GP1BB: variants seen among roughly 807,000 people sequenced by gnomAD.
The protein encoded by GP1BB is glycoprotein Ib platelet subunit beta.
GP1BB carries 3 observed loss-of-function variants against 2.5 expected under a neutral mutation model. The observed-to-expected ratio is 1.22, with a 90% CI of 0.56 to 3.15. The LOEUF is 3.15. GP1BB is among the 30% of genes most tolerant of loss of function. The pLI is 0.03. For missense variants in GP1BB, 316 were observed against 307.0 expected, an observed-to-expected ratio of 1.03 and a Z score of -0.22; for synonymous variants, 191 against 167.5, an observed-to-expected ratio of 1.14 and a Z score of -1.08.
chr22:19,724,115 G>A lies in GP1BB; in HGVS notation c.272G>A (p.Trp91Ter). Reference protein sequence around the residue: ...LRTAHLGANPWRCDCRLVPLR... With the variant: ...LRTAHLGANP ...ACCGCACACCTGGGCGCCAACCCCT[G>A]GCGCTGCGACTGCCGCCTTGTGCCG... is the stretch of plus-strand genomic sequence containing the variant. The change falls in exon 2 of 2, where the codon TGG becomes TAG. Residue 91 changes from tryptophan (W) to a stop codon, truncating the protein, a stop_gained. Coordinates refer to ENST00000366425, the MANE Select transcript of GP1BB (RefSeq NM_000407.5). LOFTEE classifies it low-confidence loss of function (END_TRUNC). 6.9e-7 allele frequency: 1 copy of A among 1,440,160 alleles called. No individual in the cohort carries two copies. The highest frequency in any genetic ancestry group is 9.1e-7 in the Non-Finnish European group (1 of 1,098,666). 89.2% of individuals were successfully genotyped at this position (1,440,160 alleles called of 1,614,324 possible). A position where few individuals can be genotyped will look rare whatever the true frequency, so the allele number is the denominator to read the frequency against.
chr22:19,724,569 T>C lies in GP1BB; in HGVS notation c.*105T>C, dbSNP rs1339113231. 1.2e-6 allele frequency: 1 copy of C among 816,230 alleles called. No individual in the cohort carries two copies. Among genetic ancestry groups the C allele is most frequent in the Non-Finnish European group, 2.1e-6 (1 of 485,216 alleles). The allele number at this position is 816,230 out of a possible 1,614,324, so 50.6% of individuals were successfully genotyped here. On this transcript the variant is annotated 3_prime_UTR_variant, in exon 2 of 2. Transcript: ENST00000366425. The stretch of plus-strand genomic sequence containing the variant: ...GGGCCCTCGCGCCAACCTGGACCGG[T>C]CCCCGCCTCCTCCGCTGCCCAATCT...
At position 19,724,517 on chromosome 22, in the gene GP1BB, T is replaced by C; in HGVS notation, c.*53T>C. 1 of 1,245,602 alleles carries C rather than the reference T, an allele frequency of 8.0e-7. No homozygotes were observed. Among genetic ancestry groups the C allele is most frequent in the Middle Eastern group, 2.7e-4 (1 of 3,766 alleles). 77.2% of individuals were successfully genotyped at this position (1,245,602 alleles called of 1,614,324 possible). On this transcript the variant is annotated 3_prime_UTR_variant, in exon 2 of 2. Transcript: ENST00000366425. ...GAACCGGCGCTGGGCAACACGGGCC[T>C]GCAAACTCGACAGGACCCTGCCCGA... is the stretch of plus-strand genomic sequence containing the variant.
rs1457232053 is a variant in GP1BB at position 19,723,834 on chromosome 22, C to G, written c.11-20C>G. ...AGGTGCCCGCCGACCGCTCGGCTTA[C>G]TGCGGCGCTTCCCTTGCAGGGCCGC... On this transcript the variant is annotated intron_variant, in intron 1 of 1. Coordinates refer to ENST00000366425, the MANE Select transcript of GP1BB (RefSeq NM_000407.5). The G allele has an allele frequency of 3.3e-6, 5 of 1,520,586 alleles. No homozygotes were observed. The South Asian group carries it at 6.1e-5, about 19-fold the overall frequency. The allele number at this position is 1,520,586 out of a possible 1,614,324, so 94.2% of individuals were successfully genotyped here.
At chr22:19,723,750 C>T (rs1372856272) in intron 1 of GP1BB, 104 bp from the exon 2 acceptor site, 12 of 1,332,804 alleles carry the variant, frequency 9.0e-6, no homozygotes, top group East Asian at 2.5e-5. Flanking sequence ...ACCGGGACGC[C>T]GGGCATCAGG....
At chr22:19,723,618 A>C (rs961321543) in intron 1 of GP1BB, 39 bp downstream of exon 1, 3 of 1,588,622 alleles carry the variant, frequency 1.9e-6, no homozygotes, top group Non-Finnish European at 8.5e-7. Flanking sequence ...GCTGCTCCCT[A>C]GGCCGACCCG....
rs1237337373 is a variant in GP1BB at position 19,723,559 on chromosome 22, G to A, written c.-11G>A. The stretch of plus-strand genomic sequence containing the variant: ...CCGCTGCAGAGTAAGCCGGGCTGCC[G>A]TCTTCTCGCCATGGGCTCCGGTGAG... On this transcript the variant is annotated 5_prime_UTR_variant, in exon 1 of 2. Coordinates refer to ENST00000366425, the MANE Select transcript of GP1BB (RefSeq NM_000407.5). 1 of 1,594,184 alleles carries A rather than the reference G, an allele frequency of 6.3e-7. No individual in the cohort carries two copies. The highest frequency in any genetic ancestry group is 8.5e-7 in the Non-Finnish European group (1 of 1,175,294).
In GP1BB at chr22:19,724,474, C is replaced by G; in HGVS notation, c.*10C>G. ...AACCGACGAGTCCTGAGGAGAGAAC[C>G]GGTGCGTCCTGAGGAGAGAACCGGC... On this transcript the variant is annotated 3_prime_UTR_variant, in exon 2 of 2. Coordinates refer to ENST00000366425, the MANE Select transcript of GP1BB (RefSeq NM_000407.5). 2.0e-6 allele frequency: 3 copies of G among 1,519,714 alleles called. No homozygotes were observed. The highest frequency in any genetic ancestry group is 2.7e-6 in the Non-Finnish European group (3 of 1,121,516). The allele number at this position is 1,519,714 out of a possible 1,614,324, so 94.1% of individuals were successfully genotyped here.
chr22:19,724,764 T>C lies in GP1BB; in HGVS notation c.*300T>C. Reference sequence around the variant, plus strand: ...AACTCTGGTGCTGAATAAACCCTTCTGATCTGGTCTTCTCTGCACGACTGA... The same window carrying C: ...AACTCTGGTGCTGAATAAACCCTTCCGATCTGGTCTTCTCTGCACGACTGA... On this transcript the variant is annotated 3_prime_UTR_variant, in exon 2 of 2. Transcript: ENST00000366425. 2.4e-6 allele frequency: 1 copy of C among 420,930 alleles called. No individual in the cohort carries two copies. Among genetic ancestry groups the C allele is most frequent in the Non-Finnish European group, 4.4e-6 (1 of 228,892 alleles). The allele number at this position is 420,930 out of a possible 1,614,324, so 26.1% of individuals were successfully genotyped here.
intron 1 of GP1BB, 41 bp from the exon 2 acceptor site, chr22:19,723,813 G>A: frequency 6.7e-7 from 1 of 1,500,432 alleles, no homozygotes; most frequent in Non-Finnish European, 8.9e-7. Context: ...TCGCCCAGGT[G>A]CCCGCCGACC....
intron 1 of GP1BB, 58 bp from the exon 2 acceptor site, chr22:19,723,796 A>C (rs1216135403): frequency 3.4e-6 from 5 of 1,457,764 alleles, no homozygotes; most frequent in Admixed American, 4.3e-5. Context: ...CTGGGTACTC[A>C]GAGATGTCGC....
rs750315624 is a variant in GP1BB at position 19,724,358 on chromosome 22, T to C, written c.515T>C (p.Leu172Pro). The stretch of plus-strand genomic sequence containing the variant: ...CACGCGTTGCTGCTGGTGCTGCTGC[T>C]GTGCCGCCTGCGGAGGCTGCGGGCC... ...LLHALLLVLL[L>P]CRLRRLRARA... Residue 172 changes from leucine (L) to proline (P), a missense_variant, in exon 2 of 2, where the codon CTG becomes CCG. Coordinates refer to ENST00000366425, the MANE Select transcript of GP1BB (RefSeq NM_000407.5). 16 of 1,488,780 alleles carry C rather than the reference T, an allele frequency of 1.1e-5. No individual in the cohort carries two copies. Among genetic ancestry groups the C allele is most frequent in the Admixed American group, 2.4e-5 (1 of 41,696 alleles). 92.2% of individuals were successfully genotyped at this position (1,488,780 alleles called of 1,614,324 possible).
chr22:19,723,544 G>A lies in GP1BB; in HGVS notation c.-26G>A. ...TCCCGCCTACGCCTCCCGCTGCAGAGTAAGCCGGGCTGCCGTCTTCTCGCC... is the reference window on the plus strand; with the variant it reads ...TCCCGCCTACGCCTCCCGCTGCAGAATAAGCCGGGCTGCCGTCTTCTCGCC... On this transcript the variant is annotated 5_prime_UTR_variant, in exon 1 of 2. Coordinates refer to ENST00000366425, the MANE Select transcript of GP1BB (RefSeq NM_000407.5). 6.3e-7 allele frequency: 1 copy of A among 1,588,114 alleles called. No individual in the cohort carries two copies. The highest frequency in any genetic ancestry group is 1.1e-5 in the South Asian group (1 of 88,476).
intron 1 of GP1BB, 122 bp downstream of exon 1, chr22:19,723,701 C>A: frequency 1.5e-6 from 2 of 1,353,306 alleles, no homozygotes; most frequent in Non-Finnish European, 2.0e-6. Context: ...GACTTCCAGC[C>A]GGCGTGCGGG....
Position 19,724,057 on chromosome 22 carries a change from C to T in GP1BB, c.214C>T (p.Pro72Ser). 6.6e-7 allele frequency: 1 copy of T among 1,509,646 alleles called. No individual in the cohort carries two copies. Among genetic ancestry groups the T allele is most frequent in the Non-Finnish European group, 8.8e-7 (1 of 1,134,980 alleles). 93.5% of individuals were successfully genotyped at this position (1,509,646 alleles called of 1,614,324 possible). Residue 72 changes from proline (P) to serine (S), a missense_variant, in exon 2 of 2, where the codon CCG becomes TCG. By Grantham distance (74) the Pro-to-Ser change is moderately conservative. Transcript: ENST00000366425. The stretch of plus-strand genomic sequence containing the variant: ...CGGCAACAACCTGACGGCGCTGCCG[C>T]CGGGGCTGCTGGACGCGCTGCCCGC... ...LTGNNLTALP[P>S]GLLDALPALR...
Position 19,723,866 on chromosome 22 carries a change from C to A in GP1BB, c.23C>A (p.Ala8Glu). The change falls in exon 2 of 2, where the codon GCG (alanine) becomes GAG (glutamate). Residue 8 changes from alanine (A) to glutamate (E), a missense_variant. Ala to Glu is a moderately radical substitution (Grantham distance 107). Transcript: ENST00000366425. ...GCTTCCCTTGCAGGGCCGCGCGGGGCGCTGAGCTTACTGCTCCTGCTGCTG... is the reference window on the plus strand; with the variant it reads ...GCTTCCCTTGCAGGGCCGCGCGGGGAGCTGAGCTTACTGCTCCTGCTGCTG... MGSGPRG[A>E]LSLLLLLLAP... The A allele has an allele frequency of 6.6e-7, 1 of 1,524,194 alleles. No homozygotes were observed. The highest frequency in any genetic ancestry group is 8.8e-7 in the Non-Finnish European group (1 of 1,142,466). The allele number at this position is 1,524,194 out of a possible 1,614,324, so 94.4% of individuals were successfully genotyped here.
chr22:19,724,684 C>T lies in GP1BB; in HGVS notation c.*220C>T. On this transcript the variant is annotated 3_prime_UTR_variant, in exon 2 of 2. Coordinates refer to ENST00000366425, the MANE Select transcript of GP1BB (RefSeq NM_000407.5). ...AGGGAGGCGAACCCGCACTTCCAGGCTTGGGAGGACCATGGGGCACAATGC... is the reference window on the plus strand; with the variant it reads ...AGGGAGGCGAACCCGCACTTCCAGGTTTGGGAGGACCATGGGGCACAATGC... The T allele has an allele frequency of 1.7e-6, 1 of 589,360 alleles. No individual in the cohort carries two copies. 36.5% of individuals were successfully genotyped at this position (589,360 alleles called of 1,614,324 possible).
At position 19,724,627 on chromosome 22, in the gene GP1BB, C is replaced by G. The variant is rs1936130541; in HGVS notation, c.*163C>G. On this transcript the variant is annotated 3_prime_UTR_variant, in exon 2 of 2. Transcript: ENST00000366425. ...CCACCCCACCTGCAGGCCCAGACCA[C>G]GTGGGACAGAACTCCTGCCCACCCT... The G allele has an allele frequency of 1.5e-6, 1 of 656,424 alleles. No homozygotes were observed. Among genetic ancestry groups the G allele is most frequent in the Non-Finnish European group, 2.8e-6 (1 of 360,186 alleles). 40.7% of individuals were successfully genotyped at this position (656,424 alleles called of 1,614,324 possible).
Position 19,724,346 on chromosome 22 carries a change from T to C in GP1BB, c.503T>C (p.Leu168Pro). ...CTTGGGCTGCTGCACGCGTTGCTGC[T>C]GGTGCTGCTGCTGTGCCGCCTGCGG... is the stretch of plus-strand genomic sequence containing the variant. ...LGLGLLHALL[L>P]VLLLCRLRRL... The change falls in exon 2 of 2, where the codon CTG (leucine) becomes CCG (proline). Residue 168 changes from leucine (L) to proline (P), a missense_variant. Transcript: ENST00000366425. 1 of 1,467,682 alleles carries C rather than the reference T, an allele frequency of 6.8e-7. No individual in the cohort carries two copies. Among genetic ancestry groups the C allele is most frequent in the Non-Finnish European group, 9.0e-7 (1 of 1,113,150 alleles). The allele number at this position is 1,467,682 out of a possible 1,614,324, so 90.9% of individuals were successfully genotyped here.
rs1199331087 is a variant in GP1BB at position 19,724,396 on chromosome 22, C to A, written c.553C>A (p.Arg185Ser). 1 of 1,536,688 alleles carries A rather than the reference C, an allele frequency of 6.5e-7. No individual in the cohort carries two copies. The highest frequency in any genetic ancestry group is 8.8e-7 in the Non-Finnish European group (1 of 1,141,318). The change falls in exon 2 of 2, where the codon CGC (arginine) becomes AGC (serine). Residue 185 changes from arginine (R) to serine (S), a missense_variant. Physicochemically the swap from Arg to Ser is moderately radical, Grantham distance 110 (BLOSUM62 -1). Transcript: ENST00000366425. ...LRRLRARARARAAARLSLTDP... is the reference protein window; with the variant it reads ...LRRLRARARASAAARLSLTDP... ...GAGGCTGCGGGCCCGGGCCCGCGCT[C>A]GCGCCGCAGCCCGGCTGTCGCTGAC... is the stretch of plus-strand genomic sequence containing the variant.
Sources: allele counts gnomAD v4.1 joint callset, GRCh38; gene constraint gnomAD v4.1.1; transcripts MANE v1.5; gene names NCBI Gene and HGNC (gene_info 2026-07-23, HGNC 2026-07-21).